The following EPC2 variants were observed in gnomAD, a reference collection of about 807,000 sequenced individuals.
EPC2 encodes enhancer of polycomb homolog 2.
A neutral mutation model predicts 92.1 loss-of-function variants in EPC2; 14 were observed. That is an observed-to-expected ratio of 0.15 (90% CI 0.10 to 0.24). The LOEUF is 0.24. Ranked by LOEUF, EPC2 falls within the 10% of genes least tolerant of loss-of-function variation. The pLI is 1.00. For synonymous variants in EPC2, 340 were observed against 334.7 expected, an observed-to-expected ratio of 1.02 and a Z score of -0.17; for missense variants, 755 against 971.5, an observed-to-expected ratio of 0.78 and a Z score of 2.96.
intron 4 of EPC2, among the ~76,000 whole-genome samples, chr2:148,756,753 C>T (rs954117792): frequency 3.9e-5 from 6 of 152,172 alleles, no homozygotes; most frequent in Admixed American, 3.9e-4. Flanking sequence ...CTGTGAGGCC[C>T]AGAAGAAGTA....
intron 2 of EPC2, among the ~76,000 whole-genome samples, chr2:148,720,800 T>TG (rs1426871959): frequency 6.6e-6 from 1 of 152,148 alleles, no homozygotes; most frequent in Non-Finnish European, 1.5e-5. Context: ...TCATTCCCCG[T>TG]GGGTCGAGCT....
intron 1 of EPC2, among the ~76,000 whole-genome samples, chr2:148,679,141 G>A (rs1418143883): frequency 1.3e-5 from 2 of 152,190 alleles, no homozygotes; most frequent in Non-Finnish European, 2.9e-5. Flanking sequence ...AGTGAAGTAT[G>A]TATCCAAAGA....
intron 10 of EPC2, among the ~76,000 whole-genome samples, chr2:148,781,399 C>T (rs1042139372): frequency 1.3e-5 from 2 of 152,082 alleles, no homozygotes; most frequent in African/African-American, 2.4e-5. Context: ...CATGTTAGAA[C>T]TGTATTATTC....
At chr2:148,725,451 C>G in intron 2 of EPC2, among the ~76,000 whole-genome samples, 1 of 152,012 alleles carries the variant, frequency 6.6e-6, no homozygotes, top group East Asian at 1.9e-4. Context: ...TGTTATGCTT[C>G]TTTACTTCTG....
At chr2:148,729,887 C>T (rs1349172205) in intron 2 of EPC2, among the ~76,000 whole-genome samples, 1 of 152,132 alleles carries the variant, frequency 6.6e-6, no homozygotes, top group Non-Finnish European at 1.5e-5. Flanking sequence ...GTCATCATTA[C>T]CACTAATTTT....
chr2:148,761,760 C>G, intron 4 of EPC2, 22 bp from the exon 5 acceptor site: 1 of 1,424,908 alleles, frequency 7.0e-7, no homozygotes. Flanking sequence ...GTTTATTCTT[C>G]TAAAATTATT....
At chr2:148,765,286 A>T in intron 7 of EPC2, 140 bp downstream of exon 7, 1 of 488,368 alleles carries the variant, frequency 2.0e-6, no homozygotes. Flanking sequence ...CACAGTATTT[A>T]TGTAGCCACT....
At chr2:148,665,797 T>C (rs2105357604) in intron 1 of EPC2, among the ~76,000 whole-genome samples, 1 of 152,320 alleles carries the variant, frequency 6.6e-6, no homozygotes, top group South Asian at 2.1e-4. Context: ...ATTCAGTTCT[T>C]ATTAATTTAA....
chr2:148,686,399 T>C (rs1292775521), intron 1 of EPC2, among the ~76,000 whole-genome samples: 1 of 152,252 alleles, frequency 6.6e-6, no homozygotes, highest in Non-Finnish European at 1.5e-5. Context: ...CTTCCTTTAC[T>C]GAAGTCTTGA....
chr2:148,674,474 A>C (rs879853271), intron 1 of EPC2, among the ~76,000 whole-genome samples: 1 of 152,146 alleles, frequency 6.6e-6, no homozygotes, highest in Non-Finnish European at 1.5e-5. Flanking sequence ...TGAACTGGAC[A>C]CTTTTGCCTC....
At chr2:148,764,924 C>T in intron 6 of EPC2, 31 bp from the exon 7 acceptor site, 1 of 1,389,766 alleles carries the variant, frequency 7.2e-7, no homozygotes, top group South Asian at 2.0e-5. Flanking sequence ...TTTATTTCTT[C>T]CTTTTGGGGG....
chr2:148,666,023 T>C (rs1042043605), intron 1 of EPC2, among the ~76,000 whole-genome samples: 2 of 152,272 alleles, frequency 1.3e-5, no homozygotes, highest in Non-Finnish European at 2.9e-5. Context: ...ATGAAACTTA[T>C]GTAATGTTTC....
chr2:148,744,429 A>G (rs991790192), intron 3 of EPC2, among the ~76,000 whole-genome samples: 7 of 152,156 alleles, frequency 4.6e-5, no homozygotes, highest in Admixed American at 4.6e-4. Context: ...GAGGTAGACT[A>G]TAACACAGGC....
rs367614695 is a variant in EPC2, at chr2:148,646,962, T to A, written c.153+1792T>A. ...CCGTCTCCACTAAAAATACAAAAAT[T>A]AGCCGGGCCTGGTGGTGCGCGCCTG... On this transcript the variant is annotated intron_variant, in intron 1 of 13. Transcript: ENST00000258484. Among the ~76,000 whole-genome samples, 99 of 151,962 alleles carry A rather than the reference T, an allele frequency of 6.5e-4. 3 individuals are homozygous for A. The East Asian group carries it at 0.013, about 20-fold the overall frequency.
intron 5 of EPC2, 88 bp downstream of exon 5, chr2:148,762,018 T>TCA: frequency 9.0e-7 from 1 of 1,114,194 alleles, no homozygotes; most frequent in Non-Finnish European, 1.3e-6. Flanking sequence ...GGGGAACAGG[T>TCA]TAAGCTTTAT....
At chr2:148,782,683 C>G in intron 11 of EPC2, among the ~76,000 whole-genome samples, 1 of 151,918 alleles carries the variant, frequency 6.6e-6, no homozygotes. Flanking sequence ...CAGAAGGAAC[C>G]AGCCCTGCCA....
intron 1 of EPC2, among the ~76,000 whole-genome samples, chr2:148,658,129 A>G (rs1453678492): frequency 1.3e-5 from 2 of 152,040 alleles, no homozygotes; most frequent in Non-Finnish European, 2.9e-5. Flanking sequence ...TGTTTTATGT[A>G]TGTTTCTGTT....
At chr2:148,712,954 G>A (rs1682181133) in intron 2 of EPC2, among the ~76,000 whole-genome samples, 1 of 150,758 alleles carries the variant, frequency 6.6e-6, no homozygotes, top group Admixed American at 6.6e-5. Context: ...CACTTTGGGA[G>A]GCGTGAGGCA....
intron 2 of EPC2, among the ~76,000 whole-genome samples, chr2:148,743,173 T>C (rs970117999): frequency 1.3e-5 from 2 of 152,150 alleles, no homozygotes; most frequent in African/African-American, 2.4e-5. Context: ...TTAATTTTTT[T>C]AAGATAACTA....
Sources: gnomAD v4.1 joint callset for allele counts (sites outside exome capture counted in the v4.1 genomes callset) on GRCh38, gnomAD v4.1.1 for gene constraint, MANE v1.5 for transcripts, NCBI Gene and HGNC (gene_info 2026-07-23, HGNC 2026-07-21) for gene names.